Variants in SHANK2 observed in about 807,000 individuals in gnomAD.
SHANK2 encodes SH3 and multiple ankyrin repeat domains 2, also known as SH3 and multiple ankyrin repeat domains protein 2.
SHANK2 carries 43 observed loss-of-function variants against 133.7 expected under a neutral mutation model. The ratio of observed to expected loss-of-function variants is 0.32; its 90% confidence interval spans 0.25 to 0.41. The LOEUF is 0.41. Ranked by LOEUF, SHANK2 falls within the 10% of genes least tolerant of loss-of-function variation. SHANK2 has a pLI of 1.00. For missense variants in SHANK2, 1,994 were observed against 2,235.8 expected (o/e 0.89, Z 2.18); for synonymous variants, 1,017 against 952.8 (o/e 1.07, Z -1.24).
At chr11:70,481,405 G>T (rs993518771) in intron 25 of SHANK2, among the ~76,000 whole-genome samples, 7 of 152,158 alleles carry the variant, frequency 4.6e-5, no homozygotes, top group African/African-American at 1.7e-4. Context: ...TTAATCTTCA[G>T]CTGCTTCCTT....
At chr11:70,871,957 GA>G (rs1159568002) in intron 11 of SHANK2, among the ~76,000 whole-genome samples, 5 of 152,172 alleles carry the variant, frequency 3.3e-5, no homozygotes, top group Admixed American at 3.3e-4. Flanking sequence ...CTTGGATTAA[GA>G]ACTCTTGTTC....
intron 2 of SHANK2, among the ~76,000 whole-genome samples, chr11:71,223,721 A>G (rs1325626706): frequency 6.6e-6 from 1 of 152,184 alleles, no homozygotes; most frequent in Non-Finnish European, 1.5e-5. Context: ...CAATTAGGAA[A>G]GTATATCTGA....
chr11:71,145,364 T>A (rs1952623882), intron 3 of SHANK2, among the ~76,000 whole-genome samples: 1 of 152,264 alleles, frequency 6.6e-6, no homozygotes, highest in Non-Finnish European at 1.5e-5. Context: ...TGCATTTGTG[T>A]TGAGCCGCAT....
intron 25 of SHANK2, among the ~76,000 whole-genome samples, chr11:70,476,150 C>T (rs1232140540): frequency 1.3e-5 from 2 of 152,134 alleles, no homozygotes; most frequent in African/African-American, 4.8e-5. Flanking sequence ...ATTGCTTGAA[C>T]CCAGGAGGCG....
intron 3 of SHANK2, among the ~76,000 whole-genome samples, chr11:71,135,002 C>T (rs1235941108): frequency 1.3e-5 from 2 of 152,094 alleles, no homozygotes; most frequent in Non-Finnish European, 2.9e-5. Context: ...TGTCATGACC[C>T]TATACCTGGA....
At chr11:70,492,526 G>A in intron 21 of SHANK2, 61 bp from the exon 22 acceptor site, 4 of 1,607,802 alleles carry the variant, frequency 2.5e-6, no homozygotes, top group African/African-American at 2.7e-5. Flanking sequence ...GGTGTAGATA[G>A]GAAAGCGCAC....
chr11:71,238,144 C>T (rs1182731648), intron 1 of SHANK2, among the ~76,000 whole-genome samples: 1 of 152,230 alleles, frequency 6.6e-6, no homozygotes, highest in African/African-American at 2.4e-5. Context: ...GAACCCTACG[C>T]ACTCATGATG....
intron 14 of SHANK2, among the ~76,000 whole-genome samples, chr11:70,758,447 T>C (rs10751282): frequency 0.46 from 70,108 of 152,084 alleles, 16,344 homozygotes; most frequent in East Asian, 0.59. Flanking sequence ...CGGCGCCCAT[T>C]GCTGCTCCCA....
chr11:70,859,927 TG>T (rs1347192588), intron 11 of SHANK2, among the ~76,000 whole-genome samples: 3 of 152,190 alleles, frequency 2.0e-5, no homozygotes, highest in Non-Finnish European at 4.4e-5. Flanking sequence ...AGCTCACAGT[TG>T]GGATTGATCA....
chr11:70,946,052 C>A (rs1472229981), intron 10 of SHANK2, among the ~76,000 whole-genome samples: 2 of 150,776 alleles, frequency 1.3e-5, no homozygotes, highest in Non-Finnish European at 3.0e-5. Flanking sequence ...CAGACTCAAC[C>A]TCCCTCTCCG....
At chr11:71,125,436 A>G (rs1296323870) in intron 3 of SHANK2, among the ~76,000 whole-genome samples, 1 of 152,222 alleles carries the variant, frequency 6.6e-6, no homozygotes, top group African/African-American at 2.4e-5. Context: ...AGAAGGTTTG[A>G]GTCACCAAAC....
intron 6 of SHANK2, among the ~76,000 whole-genome samples, chr11:71,104,337 T>C (rs971600550): frequency 1.3e-5 from 2 of 151,950 alleles, no homozygotes; most frequent in Non-Finnish European, 2.9e-5. Flanking sequence ...ATTGGAAGGG[T>C]CGCCTCTGCA....
At chr11:70,911,473 C>A (rs1230124373) in intron 10 of SHANK2, among the ~76,000 whole-genome samples, 3 of 152,238 alleles carry the variant, frequency 2.0e-5, no homozygotes, top group African/African-American at 7.2e-5. Flanking sequence ...ACACTTGGCA[C>A]TGTCCATCTT....
chr11:70,795,555 G>C (rs1350236657), intron 14 of SHANK2, among the ~76,000 whole-genome samples: 1 of 152,024 alleles, frequency 6.6e-6, no homozygotes, highest in Non-Finnish European at 1.5e-5. Context: ...ACAGGTGCAT[G>C]GCACCATGTC....
chr11:71,096,901 C>T (rs1327951390), intron 6 of SHANK2, among the ~76,000 whole-genome samples: 1 of 152,192 alleles, frequency 6.6e-6, no homozygotes, highest in Admixed American at 6.5e-5. Context: ...AAAATCAGAT[C>T]AGAGGCTTGA....
In SHANK2 at chr11:70,874,299, T is replaced by G. The variant is rs891156536; in HGVS notation, c.1174+22202A>C. On this transcript the variant is annotated intron_variant, in intron 11 of 25. Transcript: ENST00000601538. ...AATCTAATCTAATCTATCTAATCTA[T>G]CTAATCTATTTATATGTAATCTATC... 2.6e-5 allele frequency among the ~76,000 whole-genome samples: 4 copies of G among 152,162 alleles called. No individual in the cohort carries two copies. The East Asian group carries it at 5.8e-4, about 22-fold the overall frequency.
chr11:70,504,318 GC>G (rs2059104458), intron 17 of SHANK2, among the ~76,000 whole-genome samples: 1 of 150,878 alleles, frequency 6.6e-6, no homozygotes, highest in Non-Finnish European at 1.5e-5. Flanking sequence ...AGCAGGTACT[GC>G]CTGGCTCACC....
intron 3 of SHANK2, among the ~76,000 whole-genome samples, chr11:71,139,754 C>T (rs1278682129): frequency 4.6e-5 from 7 of 152,190 alleles, no homozygotes; most frequent in African/African-American, 1.7e-4. Flanking sequence ...CCACTCCCTG[C>T]GTGGCCCGGG....
chr11:70,794,487 G>C (rs1555048709), intron 14 of SHANK2, among the ~76,000 whole-genome samples: 1 of 152,146 alleles, frequency 6.6e-6, no homozygotes, highest in African/African-American at 2.4e-5. Flanking sequence ...TTCCGGTGTG[G>C]GATGGGGAGG....
Sources: gnomAD v4.1 joint callset for allele counts (sites outside exome capture counted in the v4.1 genomes callset) on GRCh38, gnomAD v4.1.1 for gene constraint, MANE v1.5 for transcripts, NCBI Gene and HGNC (gene_info 2026-07-23, HGNC 2026-07-21) for gene names.